Variants in MAML3 observed in about 807,000 individuals in gnomAD.
The protein encoded by MAML3 is mastermind-like protein 3.
A neutral mutation model predicts 101.9 loss-of-function variants in MAML3; 27 were observed. The ratio of observed to expected loss-of-function variants is 0.27; its 90% CI spans 0.20 to 0.37. The LOEUF (loss-of-function observed/expected upper bound fraction) is 0.37, where lower values mean the gene tolerates loss of function less well. Among genes scored for constraint, MAML3 ranks in the 10% least tolerant of loss-of-function variants. The probability of loss-of-function intolerance (pLI) is 1.00; values close to 1 mark genes in which losing one functional copy is unlikely to be tolerated. For missense variants in MAML3, 1,316 were observed against 1,444.9 expected, an observed-to-expected ratio of 0.91 and a Z score of 1.45; for synonymous variants, 501 against 555.9, an observed-to-expected ratio of 0.90 and a Z score of 1.39.
intron 1 of MAML3, among the ~76,000 whole-genome samples, chr4:140,077,042 C>T (rs1341134927): frequency 1.3e-5 from 2 of 152,030 alleles, no homozygotes; most frequent in Non-Finnish European, 2.9e-5. Context: ...AGGCGCCCGC[C>T]ACCACACCTG....
intron 2 of MAML3, among the ~76,000 whole-genome samples, chr4:139,814,283 T>C (rs1730857024): frequency 6.6e-6 from 1 of 152,186 alleles, no homozygotes; most frequent in South Asian, 2.1e-4. Flanking sequence ...TTGTAAAGCT[T>C]TGGAGAGCAG....
At chr4:140,070,975 T>G (rs928369073) in intron 1 of MAML3, among the ~76,000 whole-genome samples, 8 of 152,220 alleles carry the variant, frequency 5.3e-5, no homozygotes, top group African/African-American at 1.9e-4. Context: ...GGGGTCTTCG[T>G]GGGCACTGCC....
chr4:139,976,237 C>G (rs1469277530), intron 1 of MAML3, among the ~76,000 whole-genome samples: 1 of 152,182 alleles, frequency 6.6e-6, no homozygotes, highest in African/African-American at 2.4e-5. Flanking sequence ...AGATCCTGTT[C>G]TTCTGGTTTT....
At chr4:140,110,095 T>G (rs889556217) in intron 1 of MAML3, among the ~76,000 whole-genome samples, 1 of 152,340 alleles carries the variant, frequency 6.6e-6, no homozygotes, top group East Asian at 1.9e-4. Context: ...ACTGTCCCTT[T>G]GCAGCCAACG....
intron 2 of MAML3, among the ~76,000 whole-genome samples, chr4:139,764,689 C>T (rs1380276015): frequency 5.9e-5 from 9 of 152,140 alleles, no homozygotes; most frequent in African/African-American, 9.7e-5. Context: ...ACTGGAAACG[C>T]GGGGAAAGAA....
intron 1 of MAML3, among the ~76,000 whole-genome samples, chr4:140,114,821 T>A (rs1325486646): frequency 1.3e-5 from 2 of 152,230 alleles, no homozygotes; most frequent in African/African-American, 2.4e-5. Context: ...TTAAAAGTTA[T>A]GGCCTATTTT....
intron 1 of MAML3, among the ~76,000 whole-genome samples, chr4:139,907,409 T>C (rs776397090): frequency 6.6e-6 from 1 of 152,194 alleles, no homozygotes; most frequent in Non-Finnish European, 1.5e-5. Flanking sequence ...AACTCTGAAC[T>C]TGGCAGGTAG....
chr4:139,972,733 T>C (rs949194733), intron 1 of MAML3, among the ~76,000 whole-genome samples: 3 of 152,358 alleles, frequency 2.0e-5, no homozygotes, highest in Admixed American at 6.5e-5. Flanking sequence ...TTATGTAAAT[T>C]ATACCTCAAT....
At chr4:140,054,349 A>G (rs1376212493) in intron 1 of MAML3, among the ~76,000 whole-genome samples, 5 of 150,640 alleles carry the variant, frequency 3.3e-5, no homozygotes, top group Non-Finnish European at 7.4e-5. Context: ...GACCTGGGCA[A>G]CAGAGGGAGA....
At chr4:140,101,772 A>G (rs544794550) in intron 1 of MAML3, among the ~76,000 whole-genome samples, 1 of 152,174 alleles carries the variant, frequency 6.6e-6, no homozygotes, top group South Asian at 2.1e-4. Context: ...TACTATCATC[A>G]TTTTGCAAAT....
At chr4:140,109,846 T>C (rs1728410702) in intron 1 of MAML3, among the ~76,000 whole-genome samples, 1 of 152,216 alleles carries the variant, frequency 6.6e-6, no homozygotes, top group Admixed American at 6.5e-5. Context: ...CATGATCCCA[T>C]GCCCTGGTCA....
chr4:140,088,802 G>C (rs979164836), intron 1 of MAML3, among the ~76,000 whole-genome samples: 1 of 152,178 alleles, frequency 6.6e-6, no homozygotes, highest in African/African-American at 2.4e-5. Context: ...AACTAATTTA[G>C]AGTTTTCTGT....
intron 1 of MAML3, among the ~76,000 whole-genome samples, chr4:139,942,650 A>G (rs1206168728): frequency 6.6e-6 from 1 of 151,652 alleles, no homozygotes; most frequent in African/African-American, 2.4e-5. Flanking sequence ...TTTTTTGCCA[A>G]ACTATGTCCC....
intron 1 of MAML3, among the ~76,000 whole-genome samples, chr4:139,975,448 T>C (rs1055538958): frequency 3.5e-4 from 54 of 152,146 alleles, no homozygotes; most frequent in African/African-American, 1.2e-3. Context: ...CGTGCAGGCA[T>C]GCACACACAC....
chr4:139,952,865 A>T (rs1179814600), intron 1 of MAML3, among the ~76,000 whole-genome samples: 1 of 152,202 alleles, frequency 6.6e-6, no homozygotes, highest in African/African-American at 2.4e-5. Flanking sequence ...CTCACCAACC[A>T]GCTGGAAGCA....
chr4:140,001,601 T>C (rs1734925968), intron 1 of MAML3, among the ~76,000 whole-genome samples: 1 of 152,232 alleles, frequency 6.6e-6, no homozygotes, highest in South Asian at 2.1e-4. Context: ...CTTGTCTGCA[T>C]GTCCATACAC....
intron 1 of MAML3, among the ~76,000 whole-genome samples, chr4:139,947,144 C>T (rs1733746500): frequency 6.6e-6 from 1 of 152,118 alleles, no homozygotes; most frequent in Admixed American, 6.6e-5. Context: ...AATACACATA[C>T]AGTAGACATG....
intron 1 of MAML3, among the ~76,000 whole-genome samples, chr4:140,045,498 T>TC (rs1347561134): frequency 6.6e-6 from 1 of 152,206 alleles, no homozygotes; most frequent in African/African-American, 2.4e-5. Context: ...GGACTTTTTT[T>TC]CAATCTAAAA....
chr4:139,903,067 C>G (rs1732757867), intron 1 of MAML3, among the ~76,000 whole-genome samples: 1 of 152,170 alleles, frequency 6.6e-6, no homozygotes, highest in African/African-American at 2.4e-5. Flanking sequence ...GGACATGTGA[C>G]CATTGAATTT....
Sources: allele counts gnomAD v4.1 joint callset (sites outside exome capture counted in the v4.1 genomes callset), GRCh38; gene constraint gnomAD v4.1.1; transcripts MANE v1.5; gene names NCBI Gene and HGNC (gene_info 2026-07-23, HGNC 2026-07-21).